Variants in FSD1 observed in about 807,000 individuals in gnomAD.
FSD1 encodes fibronectin type III and SPRY domain-containing protein 1.
FSD1 carries 23 observed loss-of-function variants against 58.2 expected under a neutral mutation model. The ratio of observed to expected loss-of-function variants is 0.40; its 90% confidence interval spans 0.28 to 0.56. The LOEUF (loss-of-function observed/expected upper bound fraction) is 0.56, where lower values mean the gene tolerates loss of function less well. FSD1 is among the 20% of genes least tolerant of loss of function. FSD1 has a pLI of 0.54. For synonymous variants in FSD1, 265 were observed against 263.4 expected (o/e 1.01, Z -0.06); for missense variants, 563 against 670.8 (o/e 0.84, Z 1.78).
chr19:4,320,214 G>A (rs756562857), intron 10 of FSD1, among the ~76,000 whole-genome samples: 1 of 152,046 alleles, frequency 6.6e-6, no homozygotes, highest in Non-Finnish European at 1.5e-5. Flanking sequence ...GTGGAGTTGG[G>A]GTCTGGATAG....
chr19:4,307,999 G>T lies in FSD1; in HGVS notation c.345+16G>T, dbSNP rs1179837826. On this transcript the variant is annotated intron_variant, in intron 4 of 12. Coordinates refer to ENST00000221856, the MANE Select transcript of FSD1 (RefSeq NM_024333.3). Reference sequence around the variant, plus strand: ...CTTTCCTCAGGTGGGTGCCTCTGATGCTGCCAGGTAAAGAACAGTGTGCCC... The same window carrying T: ...CTTTCCTCAGGTGGGTGCCTCTGATTCTGCCAGGTAAAGAACAGTGTGCCC... 1 of 1,591,996 alleles carries T rather than the reference G, an allele frequency of 6.3e-7. No individual in the cohort carries two copies. Among genetic ancestry groups the T allele is most frequent in the Non-Finnish European group, 8.6e-7 (1 of 1,161,762 alleles).
chr19:4,308,775 G>A lies in FSD1; in HGVS notation c.345+792G>A, dbSNP rs371060526. Among the ~76,000 whole-genome samples the A allele has an allele frequency of 2.2e-4, 33 of 151,934 alleles. No homozygotes were observed. The East Asian group carries it at 6.3e-3, about 29-fold the overall frequency. ...CGGGAGGCTGAGGCAGGAGAATGGC[G>A]TGAACTCGGGAGGCGGAGCTTGCAG... On this transcript the variant is annotated intron_variant, in intron 4 of 12. Transcript: ENST00000221856.
rs770735387 is a variant in FSD1, at chr19:4,317,186, C to T, written c.705C>T (p.Leu235=). 3 of 1,600,642 alleles carry T rather than the reference C, an allele frequency of 1.9e-6. No homozygotes were observed. Among genetic ancestry groups the T allele is most frequent in the Admixed American group, 3.3e-5 (2 of 59,970 alleles). Residue 235 remains leucine, a synonymous_variant, in exon 8 of 13, where the codon CTC becomes CTT. Transcript: ENST00000221856. Reference sequence around the variant, plus strand: ...AATGCCTCTCTTGCCTACCAGGTCTCAAGTTTGACATGAAATACATGAACT... The same window carrying T: ...AATGCCTCTCTTGCCTACCAGGTCTTAAGTTTGACATGAAATACATGAACT... ...IRQTEYTLTG[L]KFDMKYMNFR...
At chr19:4,309,194 G>A (rs1406510528) in intron 4 of FSD1, among the ~76,000 whole-genome samples, 1 of 152,110 alleles carries the variant, frequency 6.6e-6, no homozygotes, top group East Asian at 1.9e-4. Context: ...GTTACAATGA[G>A]CCGTGATTGT....
At chr19:4,312,570 G>A (rs968126425) in intron 7 of FSD1, among the ~76,000 whole-genome samples, 5 of 151,924 alleles carry the variant, frequency 3.3e-5, no homozygotes, top group African/African-American at 1.2e-4. Flanking sequence ...TTGGGAGGCC[G>A]AGGCGGGCCG....
In FSD1 at chr19:4,311,983, C is replaced by T. The variant is rs1246666593; in HGVS notation, c.632C>T (p.Pro211Leu). The part of the protein sequence containing the change: ...EYRRTNFEGP[P>L]RLKEDQPWMV... ...CGGCGGACCAACTTCGAGGGCCCGC[C>T]CCGCCTCAAGGAGGACCAGCCCTGG... Residue 211 changes from proline to leucine, a missense_variant, in exon 7 of 13, where the codon CCC becomes CTC. Physicochemically the swap from Pro to Leu is moderately conservative, Grantham distance 98 (BLOSUM62 -3). Coordinates refer to ENST00000221856, the MANE Select transcript of FSD1 (RefSeq NM_024333.3). 1.9e-6 allele frequency: 3 copies of T among 1,612,640 alleles called. No individual in the cohort carries two copies. Among genetic ancestry groups the T allele is most frequent in the Non-Finnish European group, 2.5e-6 (3 of 1,180,020 alleles).
In FSD1 at chr19:4,318,790, G is replaced by T. The variant is rs1394712107; in HGVS notation, c.960-82G>T. On this transcript the variant is annotated intron_variant, in intron 9 of 12. Coordinates refer to ENST00000221856, the MANE Select transcript of FSD1 (RefSeq NM_024333.3). ...TTGACCCAACATCCACGGTGGCTGG[G>T]GTGGACTAGGGTAGCCTTACCGTGG... 6 of 1,103,724 alleles carry T rather than the reference G, an allele frequency of 5.4e-6. No homozygotes were observed. The East Asian group carries it at 1.2e-4, about 22-fold the overall frequency. The allele number at this position is 1,103,724 out of a possible 1,614,324, so 68.4% of individuals were successfully genotyped here.
In FSD1 at chr19:4,322,978, C is replaced by CACGCTGCCT; in HGVS notation, c.1040-8_1040-7insACGCTGCCT. On this transcript the variant is annotated splice_polypyrimidine_tract_variant and splice_region_variant and intron_variant, in intron 10 of 12. Coordinates refer to ENST00000221856, the MANE Select transcript of FSD1 (RefSeq NM_024333.3). The stretch of plus-strand genomic sequence containing the variant: ...TCCCCTGCCCACCCCTCCTGCCCTG[C>CACGCTGCCT]GCCACAGGGGACACGCTGATCGACG... The CACGCTGCCT allele has an allele frequency of 6.2e-7, 1 of 1,606,154 alleles. No homozygotes were observed. Among genetic ancestry groups the CACGCTGCCT allele is most frequent in the Non-Finnish European group, 8.5e-7 (1 of 1,176,450 alleles).
intron 7 of FSD1, among the ~76,000 whole-genome samples, chr19:4,316,173 C>G (rs1054826815): frequency 6.6e-6 from 1 of 151,942 alleles, no homozygotes; most frequent in South Asian, 2.1e-4. Flanking sequence ...TGCTCCTCCT[C>G]CCTCAGCCTC....
chr19:4,307,846 T>G, intron 3 of FSD1, 36 bp from the exon 4 acceptor site: 8 of 1,534,972 alleles, frequency 5.2e-6, no homozygotes, highest in Non-Finnish European at 7.2e-6. Flanking sequence ...GGCAGTGGGG[T>G]GAGTTGTCCC....
intron 10 of FSD1, among the ~76,000 whole-genome samples, chr19:4,320,514 A>T (rs1971802035): frequency 6.6e-6 from 1 of 152,150 alleles, no homozygotes; most frequent in South Asian, 2.1e-4. Context: ...AGAAGTTTCT[A>T]TGGCTTGGAG....
At chr19:4,314,676 G>A (rs1378036973) in intron 7 of FSD1, among the ~76,000 whole-genome samples, 4 of 152,098 alleles carry the variant, frequency 2.6e-5, no homozygotes, top group African/African-American at 9.7e-5. Context: ...TAGTAGAGAT[G>A]GGGTTTCTCC....
intron 10 of FSD1, among the ~76,000 whole-genome samples, chr19:4,319,759 G>A (rs1037563168): frequency 5.3e-5 from 8 of 152,048 alleles, no homozygotes; most frequent in Non-Finnish European, 1.2e-4. Flanking sequence ...TCATCCTTGG[G>A]AAAGGACCTG....
At chr19:4,307,742 G>A (rs1418858397) in intron 3 of FSD1, 140 bp from the exon 4 acceptor site, 9 of 599,572 alleles carry the variant, frequency 1.5e-5, no homozygotes, top group African/African-American at 7.6e-5. Flanking sequence ...TTGGTGGGGC[G>A]CTCAAGGCTC....
At position 4,306,230 on chromosome 19, in the gene FSD1, A is replaced by T. The variant is rs1414934397; in HGVS notation, c.144A>T (p.Glu48Asp). The T allele has an allele frequency of 9.9e-6, 16 of 1,613,952 alleles. No homozygotes were observed. Among genetic ancestry groups the T allele is most frequent in the African/African-American group, 1.3e-5 (1 of 74,914 alleles). Reference sequence around the variant, plus strand: ...CGGCGAAGGTGCAGGAGGACCTCGAAGCAGAGTTCCAGTCCCTCTTCTCCC... The same window carrying T: ...CGGCGAAGGTGCAGGAGGACCTCGATGCAGAGTTCCAGTCCCTCTTCTCCC... ...ANSAKVQEDL[E>D]AEFQSLFSLL... Residue 48 changes from glutamate to aspartate, a missense_variant, in exon 3 of 13, where the codon GAA becomes GAT. Coordinates refer to ENST00000221856, the MANE Select transcript of FSD1 (RefSeq NM_024333.3).
Position 4,317,195 on chromosome 19 carries a change from C to G in FSD1, c.714C>G (p.Asp238Glu). The G allele has an allele frequency of 6.2e-7, 1 of 1,607,862 alleles. No homozygotes were observed. Among genetic ancestry groups the G allele is most frequent in the Middle Eastern group, 1.7e-4 (1 of 6,052 alleles). ...TEYTLTGLKF[D>E]MKYMNFRVKA... The stretch of plus-strand genomic sequence containing the variant: ...CTTGCCTACCAGGTCTCAAGTTTGA[C>G]ATGAAATACATGAACTTCCGTGTGA... Residue 238 changes from aspartate (D) to glutamate (E), a missense_variant, in exon 8 of 13, where the codon GAC becomes GAG. By Grantham distance (45) the Asp-to-Glu change is conservative. Transcript: ENST00000221856.
At chr19:4,305,793 T>TGTGTGTGC (rs1971611743) in intron 1 of FSD1, among the ~76,000 whole-genome samples, 153 bp from the exon 2 acceptor site, 1 of 152,112 alleles carries the variant, frequency 6.6e-6, no homozygotes, top group African/African-American at 2.4e-5. Flanking sequence ...CGTGTGTGTG[T>TGTGTGTGC]GCGCATGTGT....
intron 4 of FSD1, among the ~76,000 whole-genome samples, chr19:4,308,999 C>T (rs1218105645): frequency 3.3e-5 from 5 of 152,268 alleles, no homozygotes; most frequent in South Asian, 2.1e-4. Context: ...GGTGTGAACC[C>T]GGGAGGCAGA....
chr19:4,322,948 C>G, intron 10 of FSD1, 38 bp from the exon 11 acceptor site: 2 of 1,584,348 alleles, frequency 1.3e-6, no homozygotes, highest in Non-Finnish European at 8.6e-7. Context: ...CCAGTTCTAT[C>G]CAGTTCCCCT....
Sources: gnomAD v4.1 joint callset for allele counts (sites outside exome capture counted in the v4.1 genomes callset) on GRCh38, gnomAD v4.1.1 for gene constraint, MANE v1.5 for transcripts, NCBI Gene and HGNC (gene_info 2026-07-23, HGNC 2026-07-21) for gene names.